EPHA6: variants seen among roughly 807,000 people sequenced by gnomAD.
The protein encoded by EPHA6 is EPH receptor A6, also known as ephrin type-A receptor 6.
EPHA6 carries 50 observed loss-of-function variants against 112.0 expected under a neutral mutation model. The ratio of observed to expected loss-of-function variants is 0.45; its 90% confidence interval spans 0.36 to 0.56. The LOEUF (loss-of-function observed/expected upper bound fraction) is 0.56, where lower values mean the gene tolerates loss of function less well. Ranked by LOEUF, EPHA6 falls within the 20% of genes least tolerant of loss-of-function variation. The pLI is 0.00. For missense variants in EPHA6, 1,280 were observed against 1,417.4 expected (o/e 0.90, Z 1.56); for synonymous variants, 529 against 490.7 (o/e 1.08, Z -1.03).
chr3:97,479,268 G>GTTT, intron 8 of EPHA6, 26 bp from the exon 9 acceptor site: 5 of 1,180,850 alleles, frequency 4.2e-6, no homozygotes, highest in Admixed American at 2.6e-5. Flanking sequence ...CTTAAAACAA[G>GTTT]TTTTTTTTTT....
intron 12 of EPHA6, among the ~76,000 whole-genome samples, chr3:97,600,038 G>A (rs1399320174): frequency 1.3e-5 from 2 of 150,918 alleles, no homozygotes; most frequent in Non-Finnish European, 3.0e-5. Flanking sequence ...ATTGTGAATG[G>A]GAGTTCACTC....
chr3:96,923,318 A>T (rs1360011461), intron 2 of EPHA6, among the ~76,000 whole-genome samples: 1 of 152,174 alleles, frequency 6.6e-6, no homozygotes, highest in Admixed American at 6.5e-5. Context: ...TAAATTTTTT[A>T]AATAATTGCC....
At chr3:97,340,149 A>G (rs1261339069) in intron 5 of EPHA6, among the ~76,000 whole-genome samples, 1 of 152,240 alleles carries the variant, frequency 6.6e-6, no homozygotes, top group Non-Finnish European at 1.5e-5. Context: ...ACAATGTAGC[A>G]TGAAGGATTC....
chr3:96,848,863 G>A (rs1259555179), intron 1 of EPHA6, among the ~76,000 whole-genome samples: 2 of 152,036 alleles, frequency 1.3e-5, no homozygotes, highest in East Asian at 3.9e-4. Flanking sequence ...AAAATTTTCT[G>A]AGGTTTGTAA....
At chr3:96,909,271 C>A (rs1213301697) in intron 2 of EPHA6, among the ~76,000 whole-genome samples, 17 of 151,766 alleles carry the variant, frequency 1.1e-4, no homozygotes. Context: ...GATAAGTAAG[C>A]AAACAACAAT....
chr3:97,254,553 C>T (rs2079246697), intron 5 of EPHA6, among the ~76,000 whole-genome samples: 1 of 149,326 alleles, frequency 6.7e-6, no homozygotes, highest in Admixed American at 7.0e-5. Flanking sequence ...AATTATTTTC[C>T]ACTTTCTGAA....
intron 2 of EPHA6, among the ~76,000 whole-genome samples, chr3:96,981,562 C>A (rs78590140): frequency 6.6e-6 from 1 of 151,992 alleles, no homozygotes; most frequent in Non-Finnish European, 1.5e-5. Flanking sequence ...ATGATGCTCG[C>A]CTCATAAAAT....
intron 5 of EPHA6, among the ~76,000 whole-genome samples, chr3:97,328,262 T>C (rs1489859695): frequency 6.6e-6 from 1 of 151,810 alleles, no homozygotes; most frequent in East Asian, 1.9e-4. Flanking sequence ...TGTTTAGGTA[T>C]ATAAGAAACT....
At chr3:97,168,593 C>CTG (rs1240030941) in intron 3 of EPHA6, among the ~76,000 whole-genome samples, 24 of 146,550 alleles carry the variant, frequency 1.6e-4, no homozygotes, top group South Asian at 1.1e-3. Flanking sequence ...CTCTCTCTCT[C>CTG]TGTGTGTCTC....
chr3:97,349,579 T>C (rs1000189899), intron 5 of EPHA6, among the ~76,000 whole-genome samples: 3 of 152,034 alleles, frequency 2.0e-5, no homozygotes, highest in African/African-American at 7.2e-5. Flanking sequence ...TGTACAAAAA[T>C]AAAAGAAAGA....
chr3:97,240,493 T>C (rs2078813176), intron 4 of EPHA6, among the ~76,000 whole-genome samples: 1 of 151,922 alleles, frequency 6.6e-6, no homozygotes, highest in Admixed American at 6.6e-5. Flanking sequence ...TTTATTATTC[T>C]TAAGATTTTA....
chr3:97,285,226 T>C (rs1324001441), intron 5 of EPHA6, among the ~76,000 whole-genome samples: 1 of 152,164 alleles, frequency 6.6e-6, no homozygotes, highest in African/African-American at 2.4e-5. Context: ...TGGAAGACAT[T>C]GCATTTGTAA....
intron 3 of EPHA6, among the ~76,000 whole-genome samples, chr3:97,186,739 A>C (rs2077149655): frequency 6.6e-6 from 1 of 152,080 alleles, no homozygotes; most frequent in African/African-American, 2.4e-5. Flanking sequence ...TTTTCCTTTG[A>C]AAAAATAGCC....
chr3:97,627,824 C>A (rs914154089), intron 13 of EPHA6, among the ~76,000 whole-genome samples: 2 of 151,866 alleles, frequency 1.3e-5, no homozygotes, highest in African/African-American at 4.8e-5. Context: ...AATTTGAAGA[C>A]CTTTTAAAAA....
chr3:97,239,258 T>C (rs982341249), intron 4 of EPHA6, among the ~76,000 whole-genome samples: 1 of 151,916 alleles, frequency 6.6e-6, no homozygotes, highest in Non-Finnish European at 1.5e-5. Flanking sequence ...GGGAGTCTCC[T>C]ATAGGAAGGC....
intron 2 of EPHA6, among the ~76,000 whole-genome samples, chr3:96,939,311 A>G (rs1210184736): frequency 6.6e-6 from 1 of 152,184 alleles, no homozygotes; most frequent in African/African-American, 2.4e-5. Flanking sequence ...TCAGACATTC[A>G]GCTTCTTCCT....
chr3:97,202,298 G>T (rs1485656506), intron 3 of EPHA6, among the ~76,000 whole-genome samples: 1 of 151,868 alleles, frequency 6.6e-6, no homozygotes, highest in African/African-American at 2.4e-5. Context: ...TCAATGCTTT[G>T]GTAGGGGCAT....
rs535829282 is a variant in EPHA6, at chr3:97,481,513, G to A, written c.2074+2149G>A. ...CCATAGTTCCGGTTCTTCCTCCGGCGCGGGGCTAAGTGCAGGCCCGGGGGT... is the reference window on the plus strand; with the variant it reads ...CCATAGTTCCGGTTCTTCCTCCGGCACGGGGCTAAGTGCAGGCCCGGGGGT... On this transcript the variant is annotated intron_variant, in intron 9 of 17. Transcript: ENST00000389672. The A allele has an allele frequency of 6.4e-5, 63 of 986,292 alleles. No individual in the cohort carries two copies. In the Admixed American group the frequency reaches 1.0e-3, roughly 16 times the overall value. 61.1% of individuals were successfully genotyped at this position (986,292 alleles called of 1,614,324 possible).
intron 10 of EPHA6, among the ~76,000 whole-genome samples, chr3:97,528,530 T>A (rs1159891397): frequency 6.6e-6 from 1 of 152,046 alleles, no homozygotes. Context: ...AAAGAAACAT[T>A]TCATCACACC....
Sources: allele counts gnomAD v4.1 joint callset (sites outside exome capture counted in the v4.1 genomes callset), GRCh38; gene constraint gnomAD v4.1.1; transcripts MANE v1.5; gene names NCBI Gene and HGNC (gene_info 2026-07-23, HGNC 2026-07-21).